SLC1A7: variants seen among roughly 807,000 people sequenced by gnomAD.
The protein encoded by SLC1A7 is solute carrier family 1 member 7.
SLC1A7 carries 40 observed loss-of-function variants against 47.7 expected under a neutral mutation model. That is an observed-to-expected ratio of 0.84 (90% CI 0.65 to 1.09). The LOEUF (loss-of-function observed/expected upper bound fraction) is 1.09. Among genes scored for constraint, SLC1A7 ranks in the 50% least tolerant of loss-of-function variants. SLC1A7 has a pLI of 0.00. For synonymous variants in SLC1A7, 323 were observed against 325.6 expected (o/e 0.99, Z 0.09); for missense variants, 746 against 769.5 (o/e 0.97, Z 0.36).
At chr1:53,109,321 C>T (rs1170762841) in intron 3 of SLC1A7, among the ~76,000 whole-genome samples, 1 of 152,176 alleles carries the variant, frequency 6.6e-6, no homozygotes, top group African/African-American at 2.4e-5. Flanking sequence ...CCAGTCATTA[C>T]TTAATCTCTG....
intron 5 of SLC1A7, among the ~76,000 whole-genome samples, chr1:53,095,889 C>T (rs369044276): frequency 2.1e-5 from 3 of 141,712 alleles, no homozygotes; most frequent in Non-Finnish European, 3.1e-5. Flanking sequence ...ACATTCACAT[C>T]GCCTCGGTAC....
intron 2 of SLC1A7, among the ~76,000 whole-genome samples, chr1:53,133,715 G>A (rs114417551): frequency 0.012 from 1,786 of 152,188 alleles, 31 homozygotes; most frequent in African/African-American, 0.041. Flanking sequence ...TCCATGGCCC[G>A]CACCCTACTG....
chr1:53,126,063 A>G (rs1644878375), intron 2 of SLC1A7, among the ~76,000 whole-genome samples: 1 of 152,230 alleles, frequency 6.6e-6, no homozygotes, highest in Admixed American at 6.5e-5. Flanking sequence ...GTTTTGTGTA[A>G]GTTCATTCAA....
chr1:53,136,533 T>C (rs1644995849), intron 1 of SLC1A7, among the ~76,000 whole-genome samples: 1 of 90,812 alleles, frequency 1.1e-5, no homozygotes, highest in African/African-American at 3.9e-5. Context: ...TATATTTATA[T>C]AAACATATAT....
At chr1:53,118,302 C>G (rs1378957665) in intron 2 of SLC1A7, 1 of 152,234 alleles carries the variant, frequency 6.6e-6, no homozygotes, top group Non-Finnish European at 1.5e-5. Flanking sequence ...CGGAAACAAG[C>G]AAACTCTATA....
chr1:53,130,215 G>C lies in SLC1A7; in HGVS notation c.215+4135C>G, dbSNP rs79034817. Reference sequence around the variant, plus strand: ...ACTTCCCACACAGAACCTTGAGCTAGGTCTTGAATACAGAGTGAGACTTTA... The same window carrying C: ...ACTTCCCACACAGAACCTTGAGCTACGTCTTGAATACAGAGTGAGACTTTA... On this transcript the variant is annotated intron_variant, in intron 2 of 10. Transcript: ENST00000371494. Among the ~76,000 whole-genome samples, 16 of 152,296 alleles carry C rather than the reference G, an allele frequency of 1.1e-4. No homozygotes were observed. The East Asian group carries it at 2.5e-3, about 24-fold the overall frequency.
chr1:53,136,463 G>T (rs1012008669), intron 1 of SLC1A7, among the ~76,000 whole-genome samples: 1 of 147,400 alleles, frequency 6.8e-6, no homozygotes, highest in Admixed American at 6.8e-5. Context: ...AAAGTGCTTG[G>T]ATTACAGGCG....
At chr1:53,131,064 C>G (rs967586408) in intron 2 of SLC1A7, among the ~76,000 whole-genome samples, 2 of 152,228 alleles carry the variant, frequency 1.3e-5, no homozygotes, top group African/African-American at 4.8e-5. Flanking sequence ...TTGCTCTGCA[C>G]CAGTCCAAAC....
At chr1:53,114,495 T>G in intron 3 of SLC1A7, 1 of 478,086 alleles carries the variant, frequency 2.1e-6, no homozygotes, top group South Asian at 3.9e-5. Context: ...AGGCTGGGCA[T>G]CAGCAAATGC....
chr1:53,127,875 C>T (rs1644900172), intron 2 of SLC1A7, among the ~76,000 whole-genome samples: 1 of 152,168 alleles, frequency 6.6e-6, no homozygotes, highest in Non-Finnish European at 1.5e-5. Flanking sequence ...CCTGGTTGGG[C>T]CTCCGGATGA....
At chr1:53,088,612 C>A (rs1201342054) in intron 10 of SLC1A7, among the ~76,000 whole-genome samples, 1 of 152,222 alleles carries the variant, frequency 6.6e-6, no homozygotes. Flanking sequence ...ACTGGACAGA[C>A]CATCCCGACA....
chr1:53,135,666 CAT>C (rs925193558), intron 1 of SLC1A7, among the ~76,000 whole-genome samples: 1 of 148,930 alleles, frequency 6.7e-6, no homozygotes, highest in Non-Finnish European at 1.5e-5. Context: ...CAGATAACAA[CAT>C]ATAGTTCATT....
intron 2 of SLC1A7, among the ~76,000 whole-genome samples, chr1:53,117,571 A>G (rs1299221099): frequency 6.6e-6 from 1 of 152,218 alleles, no homozygotes; most frequent in Non-Finnish European, 1.5e-5. Flanking sequence ...TGCTAAGTGG[A>G]AAAGCAAGTT....
intron 2 of SLC1A7, among the ~76,000 whole-genome samples, chr1:53,128,455 G>C (rs1644907118): frequency 2.1e-5 from 2 of 94,736 alleles, no homozygotes; most frequent in African/African-American, 7.8e-5. Context: ...CCAGCCTGAG[G>C]GACAGAGTAA....
Position 53,114,907 on chromosome 1 carries a change from C to A in SLC1A7, c.282G>T (p.Ala94=). 2 of 1,614,182 alleles carry A rather than the reference C, an allele frequency of 1.2e-6. No homozygotes were observed. Among genetic ancestry groups the A allele is most frequent in the Non-Finnish European group, 8.5e-7 (1 of 1,180,036 alleles). ...CCATGAAGGTGGTCCACAGGTAGTA[C>A]GCCACGGTGAGGACGCCCAGGCGGC... The part of the protein sequence containing the change: ...TSSRLGVLTV[A]YYLWTTFMAV... Residue 94 remains alanine (A), a synonymous_variant, in exon 3 of 11, where the codon GCG becomes GCT. Transcript: ENST00000371494.
At chr1:53,123,017 G>T (rs1025308674) in intron 2 of SLC1A7, among the ~76,000 whole-genome samples, 2 of 152,064 alleles carry the variant, frequency 1.3e-5, no homozygotes, top group Non-Finnish European at 2.9e-5. Context: ...CCCAGGCCTG[G>T]GTGCCAAGAG....
intron 6 of SLC1A7, among the ~76,000 whole-genome samples, chr1:53,093,070 G>C (rs1457402818): frequency 6.6e-6 from 1 of 152,212 alleles, no homozygotes; most frequent in African/African-American, 2.4e-5. Context: ...AGTGCGCCTG[G>C]GCAGCCCTCC....
intron 2 of SLC1A7, chr1:53,118,365 A>G (rs1644784715): frequency 6.6e-6 from 1 of 152,252 alleles, no homozygotes; most frequent in South Asian, 2.1e-4. Context: ...TTTTGTTTCG[A>G]ATAGTCCTTC....
intron 2 of SLC1A7, among the ~76,000 whole-genome samples, chr1:53,127,165 C>T (rs1418608371): frequency 2.1e-5 from 3 of 144,620 alleles, no homozygotes; most frequent in East Asian, 2.1e-4. Context: ...CATACAAATG[C>T]TGATGGTGAG....
Sources: gnomAD v4.1 joint callset for allele counts (sites outside exome capture counted in the v4.1 genomes callset) on GRCh38, gnomAD v4.1.1 for gene constraint, MANE v1.5 for transcripts, NCBI Gene and HGNC (gene_info 2026-07-23, HGNC 2026-07-21) for gene names.